TRAK2: variants seen among roughly 807,000 people sequenced by gnomAD.
The protein encoded by TRAK2 is trafficking kinesin-binding protein 2.
TRAK2 carries 81 observed loss-of-function variants against 104.6 expected under a neutral mutation model. The ratio of observed to expected loss-of-function variants is 0.77; its 90% CI spans 0.65 to 0.93. The LOEUF is 0.93. TRAK2 is among the 40% of genes least tolerant of loss of function. TRAK2 has a pLI of 0.00. For synonymous variants in TRAK2, 406 were observed against 394.4 expected, an observed-to-expected ratio of 1.03 and a Z score of -0.35; for missense variants, 1,002 against 1,089.0, an observed-to-expected ratio of 0.92 and a Z score of 1.12.
At chr2:201,437,923 C>G (rs970104537) in intron 1 of TRAK2, among the ~76,000 whole-genome samples, 1 of 152,194 alleles carries the variant, frequency 6.6e-6, no homozygotes, top group Non-Finnish European at 1.5e-5. Flanking sequence ...TATACTAACT[C>G]TATGGGGACC....
At chr2:201,426,151 GAAGCTTCAT>G (rs1951786432) in intron 1 of TRAK2, among the ~76,000 whole-genome samples, 1 of 152,218 alleles carries the variant, frequency 6.6e-6, no homozygotes, top group African/African-American at 2.4e-5. Flanking sequence ...GTGGGTAAGT[GAAGCTTCAT>G]CTGCATTTAC....
intron 2 of TRAK2, chr2:201,410,738 T>G (rs1416548788): frequency 5.9e-6 from 9 of 1,530,500 alleles, no homozygotes; most frequent in Non-Finnish European, 7.2e-6. Flanking sequence ...ACAAACTGAT[T>G]AAGCCACTGA....
chr2:201,420,048 T>C (rs1244705624), intron 2 of TRAK2, among the ~76,000 whole-genome samples: 1 of 152,206 alleles, frequency 6.6e-6, no homozygotes, highest in East Asian at 1.9e-4. Context: ...TATGTATGTT[T>C]GTTATATGCT....
chr2:201,411,126 C>A, intron 2 of TRAK2: 1 of 876,774 alleles, frequency 1.1e-6, no homozygotes, highest in Non-Finnish European at 1.9e-6. Flanking sequence ...TTTAGGGGTA[C>A]TAACAGAAAG....
At chr2:201,399,241 A>G in intron 5 of TRAK2, 136 bp downstream of exon 5, 1 of 587,132 alleles carries the variant, frequency 1.7e-6, no homozygotes, top group South Asian at 2.3e-5. Context: ...TGATTAGTTT[A>G]ATGGACACCA....
intron 3 of TRAK2, among the ~76,000 whole-genome samples, chr2:201,404,293 T>C (rs1951574688): frequency 6.6e-6 from 1 of 152,220 alleles, no homozygotes; most frequent in Admixed American, 6.5e-5. Flanking sequence ...GTTGAAAATA[T>C]GTTAAATGAT....
chr2:201,384,985 A>G (rs2714486), intron 14 of TRAK2, among the ~76,000 whole-genome samples: 2 of 152,024 alleles, frequency 1.3e-5, no homozygotes, highest in African/African-American at 4.8e-5. Context: ...ACTAACAGAC[A>G]AACTATAGTA....
intron 1 of TRAK2, among the ~76,000 whole-genome samples, chr2:201,442,437 C>T (rs183473316): frequency 6.6e-6 from 1 of 151,802 alleles, no homozygotes. Context: ...CGCTTGGACC[C>T]CAAACATGAT....
At chr2:201,404,259 C>T (rs549060926) in intron 3 of TRAK2, among the ~76,000 whole-genome samples, 14 of 152,278 alleles carry the variant, frequency 9.2e-5, no homozygotes, top group African/African-American at 2.9e-4. Context: ...CCTATCAAAA[C>T]CTATTTTCCC....
In TRAK2 at chr2:201,447,703, T is replaced by A. The variant is rs1951974910; in HGVS notation, c.-200+3647A>T. On this transcript the variant is annotated intron_variant, in intron 1 of 15. Coordinates refer to ENST00000332624, the MANE Select transcript of TRAK2 (RefSeq NM_015049.3). The surrounding 1 kb of genome is among the most constrained non-coding windows in gnomAD (Gnocchi z 4.1). ...TCTGAACTTAATCACCCCAAAGCCC[T>A]GTCTCCAAATACAGTCACATTCTGA... Among the ~76,000 whole-genome samples the A allele has an allele frequency of 6.6e-6, 1 of 152,194 alleles. No individual in the cohort carries two copies. Among genetic ancestry groups the A allele is most frequent in the East Asian group, 1.9e-4 (1 of 5,192 alleles).
chr2:201,439,008 G>C (rs973427156), intron 1 of TRAK2, among the ~76,000 whole-genome samples: 1 of 152,180 alleles, frequency 6.6e-6, no homozygotes. Context: ...GCTAAAAGTA[G>C]TAAATGGAAC....
chr2:201,446,804 A>G (rs1314697840), intron 1 of TRAK2, among the ~76,000 whole-genome samples: 2 of 152,266 alleles, frequency 1.3e-5, no homozygotes, highest in Admixed American at 6.5e-5. Context: ...TATTAAATAC[A>G]TAAGATCACT....
At chr2:201,420,815 C>CATGTTTTTCTAATCATCCATACAATT (rs1402784348) in intron 1 of TRAK2, 109 bp from the exon 2 acceptor site, 3 of 236,882 alleles carry the variant, frequency 1.3e-5, no homozygotes, top group Non-Finnish European at 2.5e-5. Flanking sequence ...ATTCATACAA[C>CATGTTTTTCTAATCATCCATACAATT]ATGGATAAAT....
intron 9 of TRAK2, 84 bp downstream of exon 9, chr2:201,394,714 C>T: frequency 9.1e-7 from 1 of 1,094,008 alleles, no homozygotes; most frequent in Non-Finnish European, 1.4e-6. Context: ...TGGTAATTCC[C>T]CTTTAATAAT....
intron 1 of TRAK2, among the ~76,000 whole-genome samples, chr2:201,441,644 C>T (rs1951924265): frequency 6.6e-6 from 1 of 150,446 alleles, no homozygotes; most frequent in African/African-American, 2.4e-5. Context: ...CTAGTCTCTT[C>T]CTCCTCCTCC....
chr2:201,416,118 T>C (rs193051703), intron 2 of TRAK2, among the ~76,000 whole-genome samples: 122 of 150,196 alleles, frequency 8.1e-4, no homozygotes, highest in African/African-American at 2.9e-3. Context: ...CCAGGCGTGG[T>C]AGCTCACTCC....
rs867745997 is a variant in TRAK2, at chr2:201,402,757, T to C, written c.287-1663A>G. On this transcript the variant is annotated intron_variant, in intron 3 of 15. Transcript: ENST00000332624. Reference sequence around the variant, plus strand: ...CAATATATCCATGCTCTAAACTAATTACAGAAAACCAGACAATGGTTGTAA... The same window carrying C: ...CAATATATCCATGCTCTAAACTAATCACAGAAAACCAGACAATGGTTGTAA... 5.3e-5 allele frequency among the ~76,000 whole-genome samples: 8 copies of C among 152,202 alleles called. No homozygotes were observed. The South Asian group carries it at 1.4e-3, about 28-fold the overall frequency.
chr2:201,381,374 G>T (rs919478181), intron 15 of TRAK2, among the ~76,000 whole-genome samples, 156 bp from the exon 16 acceptor site: 2 of 152,110 alleles, frequency 1.3e-5, no homozygotes, highest in African/African-American at 2.4e-5. Context: ...CAGATCTGGG[G>T]AATGAAAATT....
intron 1 of TRAK2, among the ~76,000 whole-genome samples, chr2:201,435,961 A>G (rs993444787): frequency 2.0e-5 from 3 of 152,192 alleles, no homozygotes; most frequent in African/African-American, 7.2e-5. Flanking sequence ...GAAGGTTTAC[A>G]GCAACTATTT....
Sources: allele counts gnomAD v4.1 joint callset (sites outside exome capture counted in the v4.1 genomes callset), GRCh38; gene constraint gnomAD v4.1.1; non-coding constraint Gnocchi (gnomAD v3.1); transcripts MANE v1.5; gene names NCBI Gene and HGNC (gene_info 2026-07-23, HGNC 2026-07-21).